ZC3H13: variants seen among roughly 807,000 people sequenced by gnomAD.
The protein encoded by ZC3H13 is zinc finger CCCH domain-containing protein 13.
A neutral mutation model predicts 204.1 loss-of-function variants in ZC3H13; 64 were observed. The ratio of observed to expected loss-of-function variants is 0.31; its 90% CI spans 0.26 to 0.39. ZC3H13 has a LOEUF of 0.39. Ranked by LOEUF, ZC3H13 falls within the 10% of genes least tolerant of loss-of-function variation. The pLI, the probability that ZC3H13 is intolerant of heterozygous loss-of-function variation, is 1.00. For missense variants in ZC3H13, 1,833 were observed against 2,082.7 expected (o/e 0.88, Z 2.33); for synonymous variants, 667 against 693.7 (o/e 0.96, Z 0.60).
intron 7 of ZC3H13, among the ~76,000 whole-genome samples, chr13:46,006,724 A>ATATATATATATATATATATATG (rs1169223967): frequency 7.2e-6 from 1 of 138,614 alleles, no homozygotes; most frequent in African/African-American, 2.8e-5. Flanking sequence ...ATATATATAT[A>ATATATATATATATATATATATG]TGAGATAGTA....
chr13:46,010,885 C>T (rs916029568), intron 6 of ZC3H13, among the ~76,000 whole-genome samples: 3 of 151,626 alleles, frequency 2.0e-5, no homozygotes, highest in Non-Finnish European at 4.4e-5. Flanking sequence ...CTCATCCCTA[C>T]AAAAAAAGTT....
chr13:45,961,088 A>C (rs1174160632), intron 17 of ZC3H13, among the ~76,000 whole-genome samples: 1 of 152,202 alleles, frequency 6.6e-6, no homozygotes, highest in African/African-American at 2.4e-5. Context: ...GCAGAATGAG[A>C]ATCACCATAG....
chr13:46,039,611 T>G (rs2043436969), intron 4 of ZC3H13, among the ~76,000 whole-genome samples: 1 of 152,048 alleles, frequency 6.6e-6, no homozygotes, highest in Admixed American at 6.6e-5. Flanking sequence ...TATGCTAGAG[T>G]CAGTCTGTAC....
At chr13:46,016,382 A>G (rs1219654467) in intron 5 of ZC3H13, among the ~76,000 whole-genome samples, 1 of 152,192 alleles carries the variant, frequency 6.6e-6, no homozygotes, top group Non-Finnish European at 1.5e-5. Flanking sequence ...ATAAAACACT[A>G]TATAGCAATA....
At chr13:46,048,921 GAGATTGAGACCATCCTGGCCAAC>G (rs1333639921) in intron 1 of ZC3H13, among the ~76,000 whole-genome samples, 43 of 152,270 alleles carry the variant, frequency 2.8e-4, no homozygotes, top group Admixed American at 1.6e-3. Flanking sequence ...ACGAGGTCAA[GAGATTGAGACCATCCTGGCCAAC>G]AGATCGAGAC....
chr13:46,016,308 G>A (rs1450092561), intron 5 of ZC3H13, among the ~76,000 whole-genome samples: 2 of 152,040 alleles, frequency 1.3e-5, no homozygotes, highest in Non-Finnish European at 2.9e-5. Flanking sequence ...ATGCATAATA[G>A]CACCAAACTG....
intron 4 of ZC3H13, among the ~76,000 whole-genome samples, chr13:46,023,105 G>T (rs1196673388): frequency 6.6e-6 from 1 of 152,154 alleles, no homozygotes; most frequent in African/African-American, 2.4e-5. Flanking sequence ...AAGGCTAAGA[G>T]AGTTGAGAAC....
chr13:45,963,785 C>A (rs762407472), intron 17 of ZC3H13, 57 bp downstream of exon 17: 2 of 1,607,142 alleles, frequency 1.2e-6, no homozygotes, highest in Non-Finnish European at 8.5e-7. Context: ...GAATCCCCTT[C>A]AGATGGCATC....
chr13:46,045,106 T>A, intron 2 of ZC3H13, 42 bp from the exon 3 acceptor site: 1 of 1,525,090 alleles, frequency 6.6e-7, no homozygotes, highest in Admixed American at 2.1e-5. Flanking sequence ...TATTTATTTC[T>A]GGAAAAAAAA....
At chr13:45,984,243 T>C (rs1017983835) in intron 10 of ZC3H13, among the ~76,000 whole-genome samples, 4 of 152,220 alleles carry the variant, frequency 2.6e-5, no homozygotes, top group African/African-American at 9.7e-5. Context: ...CAAATGGATA[T>C]ATATTTGCTT....
At chr13:46,041,643 T>G (rs945169770) in intron 4 of ZC3H13, among the ~76,000 whole-genome samples, 1 of 152,182 alleles carries the variant, frequency 6.6e-6, no homozygotes, top group Non-Finnish European at 1.5e-5. Flanking sequence ...ACTTTTCTTT[T>G]ATTCAATGAA....
chr13:46,011,574 T>C lies in ZC3H13; in HGVS notation c.449-20A>G. On this transcript the variant is annotated intron_variant, in intron 5 of 18. Coordinates refer to ENST00000679008, the MANE Select transcript of ZC3H13 (RefSeq NM_001330564.2). ...CAGAATCTTTAAAATAAAATTGCAT[T>C]ACTGTTAGAAACTAGCATAATTATC... 2.6e-6 allele frequency: 4 copies of C among 1,537,764 alleles called. No individual in the cohort carries two copies. The highest frequency in any genetic ancestry group is 3.5e-6 in the Non-Finnish European group (4 of 1,143,022).
intron 5 of ZC3H13, among the ~76,000 whole-genome samples, chr13:46,019,105 A>C (rs2042078819): frequency 6.6e-6 from 1 of 152,168 alleles, no homozygotes; most frequent in Non-Finnish European, 1.5e-5. Flanking sequence ...TTTTAACAGC[A>C]CTGTCCAAAG....
intron 8 of ZC3H13, among the ~76,000 whole-genome samples, chr13:45,997,190 C>T (rs1467082975): frequency 6.6e-6 from 1 of 152,170 alleles, no homozygotes; most frequent in Non-Finnish European, 1.5e-5. Flanking sequence ...ACACTGATGA[C>T]ATTCATTTAA....
intron 8 of ZC3H13, among the ~76,000 whole-genome samples, chr13:45,995,809 C>A (rs1181601590): frequency 1.3e-5 from 2 of 152,174 alleles, no homozygotes; most frequent in Non-Finnish European, 2.9e-5. Flanking sequence ...AACTTCTTTT[C>A]TTTATAAGTT....
At chr13:46,028,889 A>G (rs1366701803) in intron 4 of ZC3H13, among the ~76,000 whole-genome samples, 1 of 152,154 alleles carries the variant, frequency 6.6e-6, no homozygotes, top group East Asian at 1.9e-4. Flanking sequence ...CCACCTTAGA[A>G]AACAACAAAA....
At chr13:45,997,882 AACACACACAT>A (rs920618342) in intron 8 of ZC3H13, among the ~76,000 whole-genome samples, 16 of 152,180 alleles carry the variant, frequency 1.1e-4, no homozygotes, top group African/African-American at 2.9e-4. Context: ...CTATTTTACA[AACACACACAT>A]ACACACACAC....
chr13:46,027,186 CCT>C, intron 4 of ZC3H13, among the ~76,000 whole-genome samples: 1 of 152,252 alleles, frequency 6.6e-6, no homozygotes, highest in South Asian at 2.1e-4. Flanking sequence ...CTCACTGCAA[CCT>C]CTGCTTCCTG....
intron 8 of ZC3H13, among the ~76,000 whole-genome samples, chr13:45,991,316 C>T (rs1442696010): frequency 6.6e-6 from 1 of 152,156 alleles, no homozygotes; most frequent in Non-Finnish European, 1.5e-5. Context: ...TTCTATTCAA[C>T]TTGATGGCTA....
Sources: gnomAD v4.1 joint callset for allele counts (sites outside exome capture counted in the v4.1 genomes callset) on GRCh38, gnomAD v4.1.1 for gene constraint, MANE v1.5 for transcripts, NCBI Gene and HGNC (gene_info 2026-07-23, HGNC 2026-07-21) for gene names.